The following RPH3A variants were observed in gnomAD, a reference collection of about 807,000 sequenced individuals.
RPH3A encodes the protein rabphilin 3A, also known as rabphilin-3A.
Under a neutral mutation model 102.2 loss-of-function variants are expected in RPH3A, and 48 were observed. The ratio of observed to expected loss-of-function variants is 0.47; its 90% confidence interval spans 0.37 to 0.60. RPH3A has a LOEUF of 0.60. Ranked by LOEUF, RPH3A falls within the 20% of genes least tolerant of loss-of-function variation. The probability of loss-of-function intolerance (pLI) is 0.00; values close to 1 mark genes in which losing one functional copy is unlikely to be tolerated. For synonymous variants in RPH3A, 310 were observed against 324.3 expected (o/e 0.96, Z 0.47); for missense variants, 781 against 910.1 (o/e 0.86, Z 1.83).
chr12:112,661,332 G>A (rs1314448419), intron 1 of RPH3A, among the ~76,000 whole-genome samples: 2 of 152,120 alleles, frequency 1.3e-5, no homozygotes, highest in Admixed American at 6.6e-5. Flanking sequence ...CTACTCACTT[G>A]ATAGATGGCC....
intron 1 of RPH3A, among the ~76,000 whole-genome samples, chr12:112,612,171 G>T (rs965757920): frequency 1.3e-5 from 2 of 152,152 alleles, no homozygotes; most frequent in Non-Finnish European, 2.9e-5. Flanking sequence ...ATATTTTTTG[G>T]GGGGGTGGGC....
chr12:112,581,460 C>G (rs1208993017), intron 1 of RPH3A, among the ~76,000 whole-genome samples: 1 of 152,306 alleles, frequency 6.6e-6, no homozygotes, highest in African/African-American at 2.4e-5. Flanking sequence ...GGTGGGGACA[C>G]AGCCAAACCA....
chr12:112,887,517 G>T (rs1178239301), intron 16 of RPH3A, among the ~76,000 whole-genome samples: 1 of 152,174 alleles, frequency 6.6e-6, no homozygotes, highest in Non-Finnish European at 1.5e-5. Flanking sequence ...TCAGTCTCTG[G>T]AATGTTTTAT....
chr12:112,727,666 G>A (rs909559604), intron 1 of RPH3A, among the ~76,000 whole-genome samples: 8 of 152,010 alleles, frequency 5.3e-5, no homozygotes, highest in Admixed American at 5.2e-4. Context: ...AATACTGGGA[G>A]CATTGCATGG....
At chr12:112,783,901 C>T (rs2041026206) in intron 1 of RPH3A, among the ~76,000 whole-genome samples, 1 of 152,152 alleles carries the variant, frequency 6.6e-6, no homozygotes, top group Non-Finnish European at 1.5e-5. Context: ...GAGGTTTTGA[C>T]AGTTATATGT....
intron 1 of RPH3A, among the ~76,000 whole-genome samples, chr12:112,648,816 A>G (rs989469618): frequency 6.6e-6 from 1 of 151,362 alleles, no homozygotes; most frequent in African/African-American, 2.4e-5. Context: ...CCTTTACACA[A>G]ATTTATTTAT....
intron 1 of RPH3A, among the ~76,000 whole-genome samples, chr12:112,630,784 G>C (rs188885520): frequency 8.1e-4 from 123 of 152,242 alleles, no homozygotes; most frequent in South Asian, 2.3e-3. Flanking sequence ...GCTGGGCACT[G>C]TTCTAGGCAC....
chr12:112,779,995 C>A (rs544989861), intron 1 of RPH3A, among the ~76,000 whole-genome samples: 2 of 152,244 alleles, frequency 1.3e-5, no homozygotes, highest in East Asian at 3.9e-4. Context: ...TCGGCCACTG[C>A]CAGAAGCTGG....
At chr12:112,712,925 CTCTTCTTCTTCT>C (rs529826755) in intron 1 of RPH3A, among the ~76,000 whole-genome samples, 3,443 of 94,592 alleles carry the variant, frequency 0.036, 99 homozygotes, top group Non-Finnish European at 0.047. Flanking sequence ...CTTCTTCTTC[CTCTTCTTCTTCT>C]TCTTCTTCTT....
chr12:112,804,671 A>G (rs2136109503), intron 2 of RPH3A, among the ~76,000 whole-genome samples: 2 of 152,262 alleles, frequency 1.3e-5, no homozygotes, highest in Middle Eastern at 6.8e-3. Context: ...AGCTGTGCAG[A>G]CTTGATTGAT....
At chr12:112,816,170 C>T (rs1239476000) in intron 2 of RPH3A, among the ~76,000 whole-genome samples, 1 of 152,208 alleles carries the variant, frequency 6.6e-6, no homozygotes, top group Non-Finnish European at 1.5e-5. Context: ...AATGCACGCT[C>T]TGTTGTGACC....
intron 1 of RPH3A, among the ~76,000 whole-genome samples, chr12:112,644,482 AC>A (rs779240010): frequency 6.6e-6 from 1 of 152,092 alleles, no homozygotes; most frequent in Non-Finnish European, 1.5e-5. Flanking sequence ...ATGCCCTGTC[AC>A]TTCTGATCTG....
chr12:112,676,997 G>A (rs1947223738), intron 1 of RPH3A, among the ~76,000 whole-genome samples: 1 of 152,150 alleles, frequency 6.6e-6, no homozygotes. Flanking sequence ...GAGGTTCTCC[G>A]GTTCAGGAAT....
At chr12:112,711,417 C>T (rs2040460951) in intron 1 of RPH3A, among the ~76,000 whole-genome samples, 1 of 152,074 alleles carries the variant, frequency 6.6e-6, no homozygotes, top group African/African-American at 2.4e-5. Flanking sequence ...GAGCACATCT[C>T]TTTGGGGACG....
chr12:112,616,529 A>G (rs538123256), intron 1 of RPH3A, among the ~76,000 whole-genome samples: 2 of 152,200 alleles, frequency 1.3e-5, no homozygotes, highest in South Asian at 4.1e-4. Flanking sequence ...CCCAGAGACA[A>G]TAATACCTTA....
chr12:112,619,758 C>CT (rs2039708802), intron 1 of RPH3A, among the ~76,000 whole-genome samples: 1 of 151,880 alleles, frequency 6.6e-6, no homozygotes, highest in Non-Finnish European at 1.5e-5. Flanking sequence ...GTCTGATTTG[C>CT]TTTTTTTGCT....
At chr12:112,735,240 G>A (rs1000280062) in intron 1 of RPH3A, among the ~76,000 whole-genome samples, 15 of 152,334 alleles carry the variant, frequency 9.8e-5, no homozygotes, top group South Asian at 8.3e-4. Flanking sequence ...GCCAATGGCC[G>A]GATTCACTGG....
intron 1 of RPH3A, among the ~76,000 whole-genome samples, chr12:112,643,732 G>A (rs2039907183): frequency 6.6e-6 from 1 of 152,228 alleles, no homozygotes; most frequent in African/African-American, 2.4e-5. Flanking sequence ...GAGTTGGGAG[G>A]TGAGACAGGG....
chr12:112,774,576 A>G (rs2040950863), intron 1 of RPH3A, among the ~76,000 whole-genome samples: 2 of 152,160 alleles, frequency 1.3e-5, no homozygotes, highest in African/African-American at 4.8e-5. Flanking sequence ...GGTTGGTGAG[A>G]ATGAAAATCC....
Sources: gnomAD v4.1 joint callset for allele counts (sites outside exome capture counted in the v4.1 genomes callset) on GRCh38, gnomAD v4.1.1 for gene constraint, MANE v1.5 for transcripts, NCBI Gene and HGNC (gene_info 2026-07-23, HGNC 2026-07-21) for gene names.